Variants in TTL observed in about 807,000 individuals in gnomAD.
The protein encoded by TTL is tubulin--tyrosine ligase.
A neutral mutation model predicts 41.1 loss-of-function variants in TTL; 10 were observed. The observed-to-expected ratio is 0.24, with a 90% CI of 0.15 to 0.41. TTL has a LOEUF of 0.41. TTL is among the 10% of genes least tolerant of loss of function. The pLI is 1.00. For synonymous variants in TTL, 175 were observed against 175.5 expected, an observed-to-expected ratio of 1.00 and a Z score of 0.02; for missense variants, 367 against 460.4, an observed-to-expected ratio of 0.80 and a Z score of 1.86.
chr2:112,484,917 T>C lies in TTL; in HGVS notation c.158-1000T>C, dbSNP rs545204830. Among the ~76,000 whole-genome samples, 14 of 152,352 alleles carry C rather than the reference T, an allele frequency of 9.2e-5. No individual in the cohort carries two copies. The South Asian group carries it at 2.1e-3, about 23-fold the overall frequency. ...TTTGATTTTGTTACTGGAAATACAGTGTGTTTTATTAAGATTTGAAACAAA... is the reference window on the plus strand; with the variant it reads ...TTTGATTTTGTTACTGGAAATACAGCGTGTTTTATTAAGATTTGAAACAAA... On this transcript the variant is annotated intron_variant, in intron 1 of 6. Transcript: ENST00000233336.
At position 112,529,949 on chromosome 2, in the gene TTL, C is replaced by G. The variant is rs1682466950; in HGVS notation, c.*1154C>G. 1 of 226,604 alleles carries G rather than the reference C, an allele frequency of 4.4e-6. No individual in the cohort carries two copies. Among genetic ancestry groups the G allele is most frequent in the African/African-American group, 2.2e-5 (1 of 45,124 alleles). The allele number at this position is 226,604 out of a possible 1,614,324, so 14.0% of individuals were successfully genotyped here. On this transcript the variant is annotated 3_prime_UTR_variant, in exon 7 of 7. Coordinates refer to ENST00000233336, the MANE Select transcript of TTL (RefSeq NM_153712.5). ...TACTGTTAGAAGTGGCTTCCGCTTA[C>G]TGGATTAACTAATACTTTATAGGCT...
chr2:112,528,285 C>A (rs1682414390), intron 6 of TTL, among the ~76,000 whole-genome samples: 1 of 151,982 alleles, frequency 6.6e-6, no homozygotes, highest in South Asian at 2.1e-4. Flanking sequence ...ATTTCTAGGG[C>A]AGATCTTGGT....
chr2:112,518,165 G>A (rs1288689702), intron 5 of TTL, among the ~76,000 whole-genome samples: 2 of 147,024 alleles, frequency 1.4e-5, no homozygotes, highest in African/African-American at 2.5e-5. Flanking sequence ...TAAGTAGAGA[G>A]CCAGGGTTTC....
In TTL at chr2:112,534,791, T is replaced by C. The variant is rs1035380348; in HGVS notation, c.*5996T>C. 1.1e-4 allele frequency: 17 copies of C among 152,148 alleles called. No homozygotes were observed. The highest frequency in any genetic ancestry group is 3.6e-4 in the African/African-American group (15 of 41,422). 9.4% of individuals were successfully genotyped at this position (152,148 alleles called of 1,614,324 possible). The stretch of plus-strand genomic sequence containing the variant: ...GGACGTTTTGAAAAGCTTCAACCTA[T>C]TCCTAAGAATGCAGAAGGCCACACA... On this transcript the variant is annotated 3_prime_UTR_variant, in exon 7 of 7. Transcript: ENST00000233336.
At chr2:112,500,720 A>G (rs1402756442) in intron 3 of TTL, among the ~76,000 whole-genome samples, 1 of 152,294 alleles carries the variant, frequency 6.6e-6, no homozygotes, top group African/African-American at 2.4e-5. Flanking sequence ...AAAAGGATAT[A>G]TCAATTATTT....
In TTL at chr2:112,528,681, G is replaced by A. The variant is rs1382129879; in HGVS notation, c.1020G>A (p.Gln340=). The change falls in exon 7 of 7, where the codon CAG becomes CAA. Residue 340 remains glutamine, a splice_region_variant and synonymous_variant. Coordinates refer to ENST00000233336, the MANE Select transcript of TTL (RefSeq NM_153712.5). ...TGATATTTTTAAAAACACATTTCAG[G>A]AAGCTCTATGCAGAACTGTGCCAAG... ...IEVNGAPACA[Q]KLYAELCQGI... is the part of the protein sequence containing the mutation. The A allele has an allele frequency of 3.1e-6, 5 of 1,610,820 alleles. No individual in the cohort carries two copies. The highest frequency in any genetic ancestry group is 4.2e-6 in the Non-Finnish European group (5 of 1,177,834).
In TTL at chr2:112,535,118, G is replaced by T. The variant is rs1273711137; in HGVS notation, c.*6323G>T. 2 of 152,094 alleles carry T rather than the reference G, an allele frequency of 1.3e-5. No homozygotes were observed. The highest frequency in any genetic ancestry group is 4.8e-5 in the African/African-American group (2 of 41,402). 9.4% of individuals were successfully genotyped at this position (152,094 alleles called of 1,614,324 possible). A position where few individuals can be genotyped will look rare whatever the true frequency, so the allele number is the denominator to read the frequency against. On this transcript the variant is annotated 3_prime_UTR_variant, in exon 7 of 7. Transcript: ENST00000233336. ...GGAAAGAAAGTTAGTTTATAAAATA[G>T]AACCAAGTAGAAATTTTAGAGTTGC...
intron 2 of TTL, among the ~76,000 whole-genome samples, chr2:112,490,477 CAT>C (rs1681351629): frequency 1.3e-5 from 2 of 150,878 alleles, no homozygotes. Flanking sequence ...ACATGTAACA[CAT>C]AATGCAATGA....
Position 112,533,440 on chromosome 2 carries a change from ATATT to A in TTL, c.*4647_*4650del, listed in dbSNP as rs1396863926. ...TTAACCTGAAGTTCTCCCATAACCC[ATATT>A]TTAGAAGTGTTTTCCCCAAAGCATC... is the stretch of plus-strand genomic sequence containing the variant. On this transcript the variant is annotated 3_prime_UTR_variant, in exon 7 of 7. Transcript: ENST00000233336. 1 of 152,256 alleles carries A rather than the reference ATATT, an allele frequency of 6.6e-6. No homozygotes were observed. Among genetic ancestry groups the A allele is most frequent in the Non-Finnish European group, 1.5e-5 (1 of 68,082 alleles). The allele number at this position is 152,256 out of a possible 1,614,324, so 9.4% of individuals were successfully genotyped here.
In TTL at chr2:112,529,822, G is replaced by T. The variant is rs943021440; in HGVS notation, c.*1027G>T. ...AGGATTCGAGTTCCTGTGCCTGTGG[G>T]TATTAGGAGAGTATATATCCTGCCT... is the stretch of plus-strand genomic sequence containing the variant. On this transcript the variant is annotated 3_prime_UTR_variant, in exon 7 of 7. Coordinates refer to ENST00000233336, the MANE Select transcript of TTL (RefSeq NM_153712.5). 1 of 221,688 alleles carries T rather than the reference G, an allele frequency of 4.5e-6. No individual in the cohort carries two copies. Among genetic ancestry groups the T allele is most frequent in the Non-Finnish European group, 9.0e-6 (1 of 110,800 alleles). The allele number at this position is 221,688 out of a possible 1,614,324, so 13.7% of individuals were successfully genotyped here.
rs1434424777 is a variant in TTL at position 112,528,752 on chromosome 2, T to C, written c.1091T>C (p.Val364Ala). 1 of 1,614,168 alleles carries C rather than the reference T, an allele frequency of 6.2e-7. No homozygotes were observed. The highest frequency in any genetic ancestry group is 2.2e-5 in the East Asian group (1 of 44,890). Residue 364 changes from valine (V) to alanine (A), a missense_variant, in exon 7 of 7, where the codon GTG becomes GCG. Transcript: ENST00000233336. The part of the protein sequence containing the change: ...AISSVFPPPD[V>A]EQPQTQPAAF... The stretch of plus-strand genomic sequence containing the variant: ...TCCAGTGTCTTCCCACCCCCAGATG[T>C]GGAGCAACCTCAGACCCAGCCAGCT...
chr2:112,532,639 A>C lies in TTL; in HGVS notation c.*3844A>C, dbSNP rs973912229. 5.5e-6 allele frequency: 1 copy of C among 182,806 alleles called. No individual in the cohort carries two copies. Among genetic ancestry groups the C allele is most frequent in the African/African-American group, 2.4e-5 (1 of 42,510 alleles). The allele number at this position is 182,806 out of a possible 1,614,324, so 11.3% of individuals were successfully genotyped here. On this transcript the variant is annotated 3_prime_UTR_variant, in exon 7 of 7. Coordinates refer to ENST00000233336, the MANE Select transcript of TTL (RefSeq NM_153712.5). ...TCAAAAGTAAATAAATAATAAAGTA[A>C]ATATAAATCCATGATGCCGTTACTC...
intron 5 of TTL, among the ~76,000 whole-genome samples, chr2:112,517,643 A>C (rs1280621923): frequency 2.0e-5 from 3 of 151,584 alleles, no homozygotes; most frequent in Non-Finnish European, 2.9e-5. Flanking sequence ...TATTTTAAAG[A>C]ATATTCTAAT....
Position 112,528,938 on chromosome 2 carries a change from C to A in TTL, c.*143C>A. ...GATGAGATGGAAGAAGGCACGTGAG[C>A]AGAGGAGGCAGCTCCCAAAGAGAGG... On this transcript the variant is annotated 3_prime_UTR_variant, in exon 7 of 7. Coordinates refer to ENST00000233336, the MANE Select transcript of TTL (RefSeq NM_153712.5). The A allele has an allele frequency of 2.9e-6, 2 of 678,236 alleles. No homozygotes were observed. Among genetic ancestry groups the A allele is most frequent in the South Asian group, 3.6e-5 (2 of 55,964 alleles). The allele number at this position is 678,236 out of a possible 1,614,324, so 42.0% of individuals were successfully genotyped here.
At position 112,534,246 on chromosome 2, in the gene TTL, G is replaced by C. The variant is rs988850408; in HGVS notation, c.*5451G>C. 6.7e-6 allele frequency: 1 copy of C among 149,098 alleles called. No individual in the cohort carries two copies. Among genetic ancestry groups the C allele is most frequent in the African/African-American group, 2.5e-5 (1 of 40,236 alleles). 9.2% of individuals were successfully genotyped at this position (149,098 alleles called of 1,614,324 possible). A position where few individuals can be genotyped will look rare whatever the true frequency, so the allele number is the denominator to read the frequency against. ...GAGGCAGGAGAATGGCGTGAACCTAGGAGGCAGAGCTTGCAGTGAGCCGAG... is the reference window on the plus strand; with the variant it reads ...GAGGCAGGAGAATGGCGTGAACCTACGAGGCAGAGCTTGCAGTGAGCCGAG... On this transcript the variant is annotated 3_prime_UTR_variant, in exon 7 of 7. Coordinates refer to ENST00000233336, the MANE Select transcript of TTL (RefSeq NM_153712.5).
chr2:112,490,133 A>G (rs778769820), intron 2 of TTL, among the ~76,000 whole-genome samples: 8 of 152,138 alleles, frequency 5.3e-5, no homozygotes, highest in Non-Finnish European at 1.0e-4. Flanking sequence ...ACCTAGCACA[A>G]GGCCGGATGT....
intron 6 of TTL, 147 bp downstream of exon 6, chr2:112,520,572 G>A (rs917257309): frequency 9.8e-6 from 11 of 1,125,796 alleles, no homozygotes; most frequent in Non-Finnish European, 1.4e-5. Context: ...TATCTGGCAG[G>A]GGGCTTTGCT....
intron 6 of TTL, among the ~76,000 whole-genome samples, chr2:112,525,781 T>C (rs555193123): frequency 4.6e-5 from 7 of 151,450 alleles, no homozygotes; most frequent in Admixed American, 1.3e-4. Context: ...CCTTTATTTC[T>C]TTCTCCTGCC....
At chr2:112,528,619 C>A in intron 6 of TTL, 62 bp from the exon 7 acceptor site, 1 of 1,412,732 alleles carries the variant, frequency 7.1e-7, no homozygotes, top group Non-Finnish European at 1.0e-6. Flanking sequence ...CAAAAAACAT[C>A]TATTTTTTTT....
Sources: gnomAD v4.1 joint callset for allele counts (sites outside exome capture counted in the v4.1 genomes callset) on GRCh38, gnomAD v4.1.1 for gene constraint, MANE v1.5 for transcripts, NCBI Gene and HGNC (gene_info 2026-07-23, HGNC 2026-07-21) for gene names.